Variants in TRIM4 observed in about 807,000 individuals in gnomAD.
TRIM4 encodes E3 ubiquitin-protein ligase TRIM4.
A neutral mutation model predicts 33.7 loss-of-function variants in TRIM4; 29 were observed. The observed-to-expected ratio is 0.86, with a 90% CI of 0.64 to 1.17. The LOEUF (loss-of-function observed/expected upper bound fraction) is 1.17. Among genes scored for constraint, TRIM4 ranks in the 50% most tolerant of loss-of-function variants. The pLI is 0.00. For synonymous variants in TRIM4, 224 were observed against 233.0 expected, an observed-to-expected ratio of 0.96 and a Z score of 0.35; for missense variants, 554 against 593.7, an observed-to-expected ratio of 0.93 and a Z score of 0.69.
chr7:99,908,569 G>A lies in TRIM4; in HGVS notation c.720+13C>T, dbSNP rs372808047. ...AGTGAAGATGAGATCACCCCCACTC[G>A]TAACTGTCTCACCTGAAGCAGCTCC... is the stretch of plus-strand genomic sequence containing the variant. On this transcript the variant is annotated intron_variant, in intron 3 of 5. Transcript: ENST00000349062. 31 of 1,595,326 alleles carry A rather than the reference G, an allele frequency of 1.9e-5. No individual in the cohort carries two copies. Among genetic ancestry groups the A allele is most frequent in the Admixed American group, 5.1e-5 (3 of 58,326 alleles).
intron 1 of TRIM4, among the ~76,000 whole-genome samples, chr7:99,913,317 T>C (rs1452803570): frequency 6.6e-6 from 1 of 152,108 alleles, no homozygotes; most frequent in Non-Finnish European, 1.5e-5. Context: ...TGCCAGGAGG[T>C]GGCAGGAGCG....
At chr7:99,897,611 A>T (rs765508336) in intron 5 of TRIM4, among the ~76,000 whole-genome samples, 15 of 152,128 alleles carry the variant, frequency 9.9e-5, no homozygotes, top group Non-Finnish European at 2.1e-4. Context: ...CGGTTCTTGC[A>T]CTCCATGGGG....
chr7:99,912,890 T>C (rs899908703), intron 1 of TRIM4, among the ~76,000 whole-genome samples: 14 of 152,238 alleles, frequency 9.2e-5, no homozygotes, highest in Admixed American at 7.2e-4. Context: ...TTTCCTAACA[T>C]TATATCATCT....
intron 5 of TRIM4, among the ~76,000 whole-genome samples, chr7:99,898,734 C>T (rs1819082909): frequency 6.6e-6 from 1 of 152,172 alleles, no homozygotes; most frequent in Non-Finnish European, 1.5e-5. Flanking sequence ...TGTGTAAAAT[C>T]GCATGGCCCT....
intron 5 of TRIM4, chr7:99,901,148 T>C (rs939009369): frequency 2.0e-5 from 3 of 152,222 alleles, no homozygotes; most frequent in Non-Finnish European, 4.4e-5. Flanking sequence ...TTTTATTCTG[T>C]GTATGTTTCA....
chr7:99,897,037 G>A (rs1234296486), intron 5 of TRIM4, among the ~76,000 whole-genome samples: 2 of 152,230 alleles, frequency 1.3e-5, no homozygotes, highest in African/African-American at 4.8e-5. Flanking sequence ...ATGACAAAAT[G>A]GAGACACTGG....
chr7:99,918,566 G>GA (rs59409421), intron 1 of TRIM4, among the ~76,000 whole-genome samples: 24,679 of 136,922 alleles, frequency 0.18, 4,308 homozygotes, highest in African/African-American at 0.47. Context: ...CTCCATCTCA[G>GA]AAAAAAAAAA....
chr7:99,904,110 C>A (rs1819240611), intron 3 of TRIM4, among the ~76,000 whole-genome samples: 3 of 152,132 alleles, frequency 2.0e-5, no homozygotes, highest in South Asian at 2.1e-4. Flanking sequence ...ATTTTCCCAA[C>A]TGATTTTTCA....
intron 1 of TRIM4, among the ~76,000 whole-genome samples, chr7:99,915,126 T>C (rs554774641): frequency 6.6e-6 from 1 of 152,200 alleles, no homozygotes; most frequent in African/African-American, 2.4e-5. Context: ...AGCACTTTCT[T>C]TTTCTTTCCC....
At chr7:99,893,952 A>C (rs938645107) in intron 5 of TRIM4, among the ~76,000 whole-genome samples, 2 of 150,918 alleles carry the variant, frequency 1.3e-5, no homozygotes, top group Non-Finnish European at 2.9e-5. Flanking sequence ...CCACTGAGAC[A>C]ATCACATGGT....
At chr7:99,905,024 C>T (rs899059320) in intron 3 of TRIM4, among the ~76,000 whole-genome samples, 2 of 147,690 alleles carry the variant, frequency 1.4e-5, no homozygotes, top group South Asian at 2.2e-4. Flanking sequence ...AAGCGAGACG[C>T]TGTCTAAAAA....
At chr7:99,902,769 C>T (rs1819204406) in intron 5 of TRIM4, among the ~76,000 whole-genome samples, 1 of 151,854 alleles carries the variant, frequency 6.6e-6, no homozygotes, top group Non-Finnish European at 1.5e-5. Flanking sequence ...TTAGCTCATG[C>T]TGCTGCTTCT....
rs533664253 is a variant in TRIM4 at position 99,912,787 on chromosome 7, A to G, written c.394-3127T>C. Among the ~76,000 whole-genome samples the G allele has an allele frequency of 2.0e-5, 3 of 152,336 alleles. No homozygotes were observed. In the East Asian group the frequency reaches 5.8e-4, roughly 29 times the overall value. ...TGCTTGAAATTTTCATGGTAAAATGAAATAGGAAAACAAAATTAAATTATA... is the reference window on the plus strand; with the variant it reads ...TGCTTGAAATTTTCATGGTAAAATGGAATAGGAAAACAAAATTAAATTATA... On this transcript the variant is annotated intron_variant, in intron 1 of 5. Coordinates refer to ENST00000349062, the MANE Select transcript of TRIM4 (RefSeq NM_033091.3).
At chr7:99,902,335 C>T (rs1819194928) in intron 5 of TRIM4, among the ~76,000 whole-genome samples, 1 of 152,110 alleles carries the variant, frequency 6.6e-6, no homozygotes, top group Non-Finnish European at 1.5e-5. Context: ...GCAACCTCCA[C>T]CTCCCAGGTT....
Position 99,892,337 on chromosome 7 carries a change from G to A in TRIM4, c.1251C>T (p.Leu417=). ...PGTPTQQEPA[L]HRVGVYLDRG... ...GATCCAGGTAAACCCCCACTCGGTG[G>A]AGAGCTGGCTCTTGCTGGGTGGGAG... Residue 417 remains leucine, a synonymous_variant, in exon 6 of 6, where the codon CTC becomes CTT. Transcript: ENST00000349062. 1 of 1,614,186 alleles carries A rather than the reference G, an allele frequency of 6.2e-7. No individual in the cohort carries two copies. The highest frequency in any genetic ancestry group is 1.6e-4 in the Middle Eastern group (1 of 6,062).
chr7:99,916,569 C>T, intron 1 of TRIM4: 1 of 677,696 alleles, frequency 1.5e-6, no homozygotes, highest in Non-Finnish European at 2.7e-6. Context: ...GAAATCTGAA[C>T]TACCATCCAA....
intron 5 of TRIM4, among the ~76,000 whole-genome samples, chr7:99,897,702 T>A (rs1819053375): frequency 6.6e-6 from 1 of 152,134 alleles, no homozygotes; most frequent in Admixed American, 6.5e-5. Flanking sequence ...AAATAATGAA[T>A]CCCAGTCTTC....
chr7:99,909,724 T>A, intron 1 of TRIM4, 64 bp from the exon 2 acceptor site: 1 of 1,116,184 alleles, frequency 9.0e-7, no homozygotes, highest in Non-Finnish European at 1.2e-6. Flanking sequence ...TTCTTTTTTC[T>A]TTTTGTTTTT....
Position 99,909,638 on chromosome 7 carries a change from C to T in TRIM4, c.416G>A (p.Arg139His), listed in dbSNP as rs777573423. The T allele has an allele frequency of 8.1e-6, 13 of 1,613,404 alleles. No individual in the cohort carries two copies. The highest frequency in any genetic ancestry group is 1.6e-4 in the Middle Eastern group (1 of 6,084). The change falls in exon 2 of 6, where the codon CGT (arginine) becomes CAT (histidine). Residue 139 changes from arginine (R) to histidine (H), a missense_variant. Transcript: ENST00000349062. ...SYREKLLKSQ[R>H]NLVAKMKKVM... is the part of the protein sequence containing the mutation. ...TTTCTTCATCTTGGCCACGAGATTA[C>T]GCTGAGACTTAAGAAGTTTCTCCTG...
Sources: gnomAD v4.1 joint callset for allele counts (sites outside exome capture counted in the v4.1 genomes callset) on GRCh38, gnomAD v4.1.1 for gene constraint, MANE v1.5 for transcripts, NCBI Gene and HGNC (gene_info 2026-07-23, HGNC 2026-07-21) for gene names.